The following GPHN variants were observed in gnomAD, a reference collection of about 807,000 sequenced individuals.
GPHN encodes gephyrin.
GPHN carries 17 observed loss-of-function variants against 95.5 expected under a neutral mutation model. The ratio of observed to expected loss-of-function variants is 0.18; its 90% confidence interval spans 0.12 to 0.27. The LOEUF is 0.27. Among genes scored for constraint, GPHN ranks in the 10% least tolerant of loss-of-function variants. GPHN has a pLI of 1.00. For synonymous variants in GPHN, 320 were observed against 322.5 expected, an observed-to-expected ratio of 0.99 and a Z score of 0.08; for missense variants, 660 against 978.1, an observed-to-expected ratio of 0.67 and a Z score of 4.34.
At chr14:67,071,609 G>A (rs976118537) in intron 11 of GPHN, among the ~76,000 whole-genome samples, 5 of 151,800 alleles carry the variant, frequency 3.3e-5, no homozygotes, top group Non-Finnish European at 7.4e-5. Flanking sequence ...TGGTGCACAT[G>A]TACCCTGGAA....
chr14:67,308,658 G>A, the GPHN span, among the ~76,000 whole-genome samples: 1 of 149,374 alleles, frequency 6.7e-6, no homozygotes, highest in Non-Finnish European at 1.5e-5. Flanking sequence ...TGATTCTCCC[G>A]CCTCAGCCTC....
the GPHN span, among the ~76,000 whole-genome samples, chr14:67,296,410 C>A: frequency 1.3e-4 from 19 of 151,902 alleles, no homozygotes; most frequent in African/African-American, 4.1e-4. Flanking sequence ...ACCATCCTGG[C>A]TAACATGGTG....
chr14:67,483,380 T>C, the GPHN span, among the ~76,000 whole-genome samples: 7,203 of 152,224 alleles, frequency 0.047, 212 homozygotes, highest in East Asian at 0.098. Context: ...TTCCAGAGTC[T>C]TTGCTCCTAA....
intron 5 of GPHN, among the ~76,000 whole-genome samples, chr14:66,898,594 G>A (rs2064981930): frequency 6.7e-6 from 1 of 148,330 alleles, no homozygotes; most frequent in East Asian, 2.1e-4. Context: ...TGTTCTATAT[G>A]TCTGTCCCTC....
At chr14:67,039,025 C>T (rs1160980818) in intron 10 of GPHN, among the ~76,000 whole-genome samples, 1 of 152,114 alleles carries the variant, frequency 6.6e-6, no homozygotes, top group Non-Finnish European at 1.5e-5. Flanking sequence ...TCTCTTGCTC[C>T]CTGACAGTCT....
the GPHN span, chr14:67,573,422 G>T: frequency 8.1e-7 from 1 of 1,231,952 alleles, no homozygotes. This position sits in a 1 kb window ranked among gnomAD's most constrained non-coding sequence, Gnocchi z 4.8. Context: ...CAGTCAAAAG[G>T]TCTCCACATC....
At chr14:67,716,306 T>G in the GPHN span, among the ~76,000 whole-genome samples, 1 of 151,796 alleles carries the variant, frequency 6.6e-6, no homozygotes, top group African/African-American at 2.4e-5. Flanking sequence ...GCAAGAGAAG[T>G]GAATGATTGA....
intron 1 of GPHN, among the ~76,000 whole-genome samples, chr14:66,536,606 A>C (rs1282041905): frequency 1.3e-5 from 2 of 151,972 alleles, no homozygotes; most frequent in African/African-American, 4.8e-5. Flanking sequence ...TTTTATTTCA[A>C]AGTGTTTGTG....
chr14:67,593,246 TG>T, the GPHN span: 16 of 172,992 alleles, frequency 9.2e-5, no homozygotes, highest in Non-Finnish European at 1.9e-4. Context: ...ACTGAACACT[TG>T]GGGAGGCCAC....
the GPHN span, among the ~76,000 whole-genome samples, chr14:67,567,140 G>A: frequency 7.1e-5 from 8 of 112,874 alleles, no homozygotes; most frequent in Non-Finnish European, 1.2e-4. Flanking sequence ...ATGATCACTC[G>A]TGTTCCGTGT....
chr14:67,343,281 G>T, the GPHN span: 2 of 915,462 alleles, frequency 2.2e-6, no homozygotes, highest in South Asian at 1.9e-5. Flanking sequence ...TCATCTTTCA[G>T]TCTTCAGTAC....
the GPHN span, among the ~76,000 whole-genome samples, chr14:67,325,774 C>T: frequency 7.0e-3 from 1,064 of 151,950 alleles, 2 homozygotes; most frequent in Non-Finnish European, 0.012. Flanking sequence ...ATATGAAGGG[C>T]CATAGACCAT....
At chr14:67,340,240 T>C in the GPHN span, 1 of 500,504 alleles carries the variant, frequency 2.0e-6, no homozygotes, top group Non-Finnish European at 3.6e-6. Flanking sequence ...TTTTTGGAAA[T>C]GCCATGTTAT....
At chr14:67,022,644 CG>C (rs1023948206) in intron 9 of GPHN, among the ~76,000 whole-genome samples, 9 of 107,230 alleles carry the variant, frequency 8.4e-5, no homozygotes, top group Middle Eastern at 6.8e-3. Flanking sequence ...TTTTTATTGC[CG>C]TTTTTTTAAA....
intron 8 of GPHN, among the ~76,000 whole-genome samples, chr14:66,946,788 C>G (rs2067785375): frequency 6.6e-6 from 1 of 152,160 alleles, no homozygotes; most frequent in Admixed American, 6.6e-5. Flanking sequence ...GTCTGCTACT[C>G]TAAATGCCAT....
At chr14:67,397,527 G>A in the GPHN span, 2 of 686,988 alleles carry the variant, frequency 2.9e-6, no homozygotes, top group Non-Finnish European at 4.8e-6. Flanking sequence ...GTATGTGGCG[G>A]AGCCAGGATT....
the GPHN span, chr14:67,647,085 T>C: frequency 1.8e-6 from 2 of 1,087,286 alleles, no homozygotes; most frequent in Non-Finnish European, 2.8e-6. Context: ...TTTTAGCCTG[T>C]TTCTTGAGGA....
chr14:66,922,797 T>G lies in GPHN; in HGVS notation c.588T>G (p.Pro196=), dbSNP rs2066289434. The G allele has an allele frequency of 1.2e-5, 20 of 1,605,990 alleles. 1 individual carries two copies. The highest frequency in any genetic ancestry group is 1.5e-5 in the Non-Finnish European group (18 of 1,173,350). Residue 196 remains proline, a synonymous_variant, in exon 7 of 23, where the codon CCT becomes CCG. Coordinates refer to ENST00000478722, the MANE Select transcript of GPHN (RefSeq NM_020806.5). ...LPSPPPPLSP[P]PTTSPHKQTE... ...CCCCACCTCCCCCTCTTTCCCCTCC[T>G]CCTACTACCAGCCCCCATAAACAGA...
intron 4 of GPHN, among the ~76,000 whole-genome samples, chr14:66,851,051 C>T (rs904743352): frequency 4.6e-5 from 7 of 151,584 alleles, no homozygotes; most frequent in African/African-American, 1.7e-4. Flanking sequence ...AAAAATTCTG[C>T]CTGAGGGACT....
Sources: allele counts gnomAD v4.1 joint callset (sites outside exome capture counted in the v4.1 genomes callset), GRCh38; gene constraint gnomAD v4.1.1; non-coding constraint Gnocchi (gnomAD v3.1); transcripts MANE v1.5; gene names NCBI Gene and HGNC (gene_info 2026-07-23, HGNC 2026-07-21).